The following NPLOC4 variants were observed in gnomAD, a reference collection of about 807,000 sequenced individuals.
The protein encoded by NPLOC4 is NPL4 homolog, ubiquitin recognition factor, also known as nuclear protein localization protein 4 homolog.
In NPLOC4, 18 loss-of-function variants were observed where a neutral mutation model predicts 80.6. The observed-to-expected ratio is 0.22, with a 90% CI of 0.15 to 0.33. The LOEUF is 0.33. Among genes scored for constraint, NPLOC4 ranks in the 10% least tolerant of loss-of-function variants. The pLI, the probability that NPLOC4 is intolerant of heterozygous loss-of-function variation, is 1.00. For synonymous variants in NPLOC4, 313 were observed against 301.5 expected (o/e 1.04, Z -0.39); for missense variants, 540 against 786.1 (o/e 0.69, Z 3.74).
intron 7 of NPLOC4, 91 bp downstream of exon 7, chr17:81,606,600 G>C: frequency 2.9e-6 from 4 of 1,391,320 alleles, no homozygotes; most frequent in Non-Finnish European, 4.0e-6. Context: ...ACCACGCATA[G>C]TGCTAATAGC....
intron 4 of NPLOC4, chr17:81,612,998 C>G (rs1205089262): frequency 4.5e-6 from 1 of 222,290 alleles, no homozygotes; most frequent in Non-Finnish European, 8.8e-6. Flanking sequence ...TCAGCATCTC[C>G]AGGGGACATC....
rs60735748 is a variant in NPLOC4, at chr17:81,625,463, G to A, written c.97-3185C>T. Among the ~76,000 whole-genome samples, 268 of 152,228 alleles carry A rather than the reference G, an allele frequency of 1.8e-3. 2 individuals are homozygous for A. The highest frequency in any genetic ancestry group is 6.2e-3 in the African/African-American group (258 of 41,526). On this transcript the variant is annotated intron_variant, in intron 2 of 16. Coordinates refer to ENST00000331134, the MANE Select transcript of NPLOC4 (RefSeq NM_017921.4). The stretch of plus-strand genomic sequence containing the variant: ...CCCAAATAAAAGGAATGTGAATCTC[G>A]GTAAAGAAACAAATCATAAAAGAAC...
At chr17:81,593,023 C>T (rs931998480) in intron 11 of NPLOC4, among the ~76,000 whole-genome samples, 1 of 152,182 alleles carries the variant, frequency 6.6e-6, no homozygotes, top group Middle Eastern at 3.4e-3. Flanking sequence ...CGATTTCACT[C>T]AGAATAAAAT....
chr17:81,606,617 C>A, intron 7 of NPLOC4, 74 bp downstream of exon 7: 1 of 1,536,942 alleles, frequency 6.5e-7, no homozygotes, highest in Non-Finnish European at 8.9e-7. Context: ...TAGCATTCCA[C>A]TCCAAGGGGC....
intron 1 of NPLOC4, among the ~76,000 whole-genome samples, chr17:81,630,179 GAA>G (rs200318542): frequency 1.6e-4 from 20 of 127,098 alleles, no homozygotes; most frequent in Admixed American, 1.6e-4. Context: ...TTACTTTGGG[GAA>G]AAAAAAAAAA....
chr17:81,628,835 A>G (rs1287861365), intron 2 of NPLOC4, among the ~76,000 whole-genome samples: 1 of 152,120 alleles, frequency 6.6e-6, no homozygotes, highest in Non-Finnish European at 1.5e-5. Flanking sequence ...ACCAGGGAGG[A>G]GCCAGGGATG....
At chr17:81,631,421 C>CATATATATATATATATAT (rs1415379403) in intron 1 of NPLOC4, among the ~76,000 whole-genome samples, 25 of 49,464 alleles carry the variant, frequency 5.1e-4, no homozygotes, top group South Asian at 1.7e-3. Flanking sequence ...TTAAAGTGTA[C>CATATATATATATATATAT]ATATATATAT....
At chr17:81,618,854 G>C (rs900537673) in intron 3 of NPLOC4, among the ~76,000 whole-genome samples, 10 of 152,316 alleles carry the variant, frequency 6.6e-5, no homozygotes, top group African/African-American at 2.2e-4. Flanking sequence ...ATTTTGTTCT[G>C]TACTAAGAAA....
chr17:81,587,674 G>GTTTTT (rs34643456), intron 12 of NPLOC4, among the ~76,000 whole-genome samples: 4 of 93,410 alleles, frequency 4.3e-5, no homozygotes, highest in African/African-American at 8.7e-5. Context: ...GAAAAAAGTT[G>GTTTTT]TTTTTTTTTT....
intron 2 of NPLOC4, 100 bp downstream of exon 2, chr17:81,629,625 T>C (rs2144330826): frequency 2.2e-6 from 2 of 909,714 alleles, no homozygotes; most frequent in Non-Finnish European, 3.6e-6. Context: ...AATTTGGGAA[T>C]AGGGAAAATA....
At chr17:81,582,355 T>C (rs2034465659) in intron 12 of NPLOC4, among the ~76,000 whole-genome samples, 1 of 152,178 alleles carries the variant, frequency 6.6e-6, no homozygotes, top group Non-Finnish European at 1.5e-5. Context: ...TCACCTTCAG[T>C]GGGAAGCAGC....
chr17:81,604,019 GCA>G (rs2035134960), intron 8 of NPLOC4, among the ~76,000 whole-genome samples: 1 of 152,064 alleles, frequency 6.6e-6, no homozygotes, highest in African/African-American at 2.4e-5. Context: ...TGACTTCCAA[GCA>G]CAGTGACTAG....
chr17:81,559,889 T>C (rs2033795852), intron 16 of NPLOC4, among the ~76,000 whole-genome samples: 2 of 151,802 alleles, frequency 1.3e-5, no homozygotes, highest in Admixed American at 6.6e-5. Context: ...TGAACCACAA[T>C]GCCTGGCTAA....
chr17:81,618,680 G>A (rs1416275524), intron 3 of NPLOC4, among the ~76,000 whole-genome samples: 3 of 151,550 alleles, frequency 2.0e-5, no homozygotes, highest in African/African-American at 4.8e-5. Flanking sequence ...CCCTCTGCCC[G>A]GCCACCACCC....
intron 3 of NPLOC4, among the ~76,000 whole-genome samples, chr17:81,617,308 C>G (rs1444057002): frequency 6.6e-6 from 1 of 152,216 alleles, no homozygotes; most frequent in Non-Finnish European, 1.5e-5. Context: ...GGGTCTTGCT[C>G]TGTTGCCCAG....
At chr17:81,604,023 A>C (rs1357891811) in intron 8 of NPLOC4, among the ~76,000 whole-genome samples, 1 of 152,162 alleles carries the variant, frequency 6.6e-6, no homozygotes, top group Non-Finnish European at 1.5e-5. Flanking sequence ...TTCCAAGCAC[A>C]GTGACTAGAT....
At position 81,597,332 on chromosome 17, in the gene NPLOC4, G is replaced by C. The variant is rs145670940; in HGVS notation, c.922-16C>G. On this transcript the variant is annotated splice_polypyrimidine_tract_variant and intron_variant, in intron 9 of 16. Transcript: ENST00000331134. Reference sequence around the variant, plus strand: ...TCCAGCCAACCTTAAAAAAAGGAAAGTAGCTTTTAAACATCTCCTCAAGAT... The same window carrying C: ...TCCAGCCAACCTTAAAAAAAGGAAACTAGCTTTTAAACATCTCCTCAAGAT... The C allele has an allele frequency of 5.8e-3, 9,358 of 1,606,516 alleles. 38 individuals carry two copies. The highest frequency in any genetic ancestry group is 7.5e-3 in the Non-Finnish European group (8,830 of 1,173,264).
At chr17:81,571,301 G>A (rs1227952376) in intron 13 of NPLOC4, among the ~76,000 whole-genome samples, 3 of 152,218 alleles carry the variant, frequency 2.0e-5, no homozygotes, top group Non-Finnish European at 4.4e-5. Flanking sequence ...AGCTCCGGTG[G>A]GGCTGATGCA....
At position 81,619,553 on chromosome 17, in the gene NPLOC4, G is replaced by GAA. The variant is rs34176297; in HGVS notation, c.209+2611_209+2612dup. On this transcript the variant is annotated intron_variant, in intron 3 of 16. Coordinates refer to ENST00000331134, the MANE Select transcript of NPLOC4 (RefSeq NM_017921.4). ...CAACAAGAATGAAACTCTGTCTCAA[G>GAA]AAAAAAAAAAAAAAAGAAAGAAAAG... Among the ~76,000 whole-genome samples, 273 of 107,006 alleles carry GAA rather than the reference G, an allele frequency of 2.6e-3. 1 individual carries two copies. The highest frequency in any genetic ancestry group is 4.2e-3 in the Non-Finnish European group (204 of 48,558). The allele number at this position is 107,006 out of a possible 152,430, so 70.2% of individuals were successfully genotyped here.
Sources: gnomAD v4.1 joint callset for allele counts (sites outside exome capture counted in the v4.1 genomes callset) on GRCh38, gnomAD v4.1.1 for gene constraint, MANE v1.5 for transcripts, NCBI Gene and HGNC (gene_info 2026-07-23, HGNC 2026-07-21) for gene names.